Variants in PLEKHA2 observed in about 807,000 individuals in gnomAD.
PLEKHA2 encodes pleckstrin homology domain containing A2.
A neutral mutation model predicts 53.2 loss-of-function variants in PLEKHA2; 28 were observed. The ratio of observed to expected loss-of-function variants is 0.53; its 90% CI spans 0.39 to 0.72. PLEKHA2 has a LOEUF of 0.72. Among genes scored for constraint, PLEKHA2 ranks in the 30% least tolerant of loss-of-function variants. PLEKHA2 has a pLI of 0.00. For missense variants in PLEKHA2, 426 were observed against 537.9 expected (o/e 0.79, Z 2.06); for synonymous variants, 193 against 196.4 (o/e 0.98, Z 0.14).
intron 2 of PLEKHA2, among the ~76,000 whole-genome samples, chr8:38,918,933 A>G (rs981638908): frequency 6.6e-6 from 1 of 152,200 alleles, no homozygotes; most frequent in Non-Finnish European, 1.5e-5. Flanking sequence ...AGTGAGATCC[A>G]AGTCCTGGAT....
intron 2 of PLEKHA2, among the ~76,000 whole-genome samples, chr8:38,928,809 C>T (rs949702082): frequency 5.3e-5 from 8 of 152,152 alleles, no homozygotes; most frequent in African/African-American, 1.9e-4. Context: ...TAGCTATCAG[C>T]GTGTCGTGTG....
At chr8:38,917,790 C>G in intron 1 of PLEKHA2, 117 bp from the exon 2 acceptor site, 1 of 1,163,036 alleles carries the variant, frequency 8.6e-7, no homozygotes, top group Non-Finnish European at 1.2e-6. Context: ...ACATTTGGTG[C>G]CCCCACGGAA....
At chr8:38,903,684 A>G (rs996156543) in intron 1 of PLEKHA2, among the ~76,000 whole-genome samples, 4 of 152,190 alleles carry the variant, frequency 2.6e-5, no homozygotes, top group African/African-American at 9.6e-5. Flanking sequence ...TCTCCTGTCC[A>G]ATTCATGGGA....
intron 10 of PLEKHA2, among the ~76,000 whole-genome samples, chr8:38,961,855 G>A (rs901923752): frequency 6.6e-6 from 1 of 152,140 alleles, no homozygotes; most frequent in Non-Finnish European, 1.5e-5. Context: ...TCATATTTAC[G>A]TATAATTTGT....
intron 1 of PLEKHA2, 53 bp from the exon 2 acceptor site, chr8:38,917,854 G>C: frequency 6.4e-7 from 1 of 1,564,376 alleles, no homozygotes; most frequent in African/African-American, 1.4e-5. Flanking sequence ...TGCAGGTCCT[G>C]AGGCAGAGCT....
chr8:38,912,024 G>A (rs1441252225), intron 1 of PLEKHA2, among the ~76,000 whole-genome samples: 1 of 151,944 alleles, frequency 6.6e-6, no homozygotes, highest in Non-Finnish European at 1.5e-5. Flanking sequence ...ATTTTGGCTG[G>A]GCGTAGTGGC....
At chr8:38,908,396 A>G (rs1833910111) in intron 1 of PLEKHA2, among the ~76,000 whole-genome samples, 1 of 152,250 alleles carries the variant, frequency 6.6e-6, no homozygotes, top group African/African-American at 2.4e-5. Context: ...TAGGTCTTTA[A>G]AACACCAAAA....
chr8:38,963,314 T>C (rs185423158), intron 10 of PLEKHA2, among the ~76,000 whole-genome samples: 1 of 152,336 alleles, frequency 6.6e-6, no homozygotes, highest in Admixed American at 6.5e-5. Context: ...GCTATGACCT[T>C]GGCACTTCCT....
intron 2 of PLEKHA2, among the ~76,000 whole-genome samples, chr8:38,927,307 G>A (rs1834305876): frequency 6.6e-6 from 1 of 152,014 alleles, no homozygotes; most frequent in Non-Finnish European, 1.5e-5. Flanking sequence ...ACCAGCCTGG[G>A]CAACATAGGA....
chr8:38,930,161 G>C lies in PLEKHA2; in HGVS notation c.142-5833G>C, dbSNP rs188487016. 5.3e-3 allele frequency among the ~76,000 whole-genome samples: 803 copies of C among 152,058 alleles called. 11 individuals are homozygous for C. The highest frequency in any genetic ancestry group is 0.019 in the African/African-American group (774 of 41,474). On this transcript the variant is annotated intron_variant, in intron 2 of 11. Transcript: ENST00000617275. Reference sequence around the variant, plus strand: ...CTCTTGAGCAAAAAGGAAGGTACTGGCATTGTCTGCATAAAACCACCTATC... The same window carrying C: ...CTCTTGAGCAAAAAGGAAGGTACTGCCATTGTCTGCATAAAACCACCTATC...
Position 38,908,663 on chromosome 8 carries a change from A to C in PLEKHA2, c.-24+7218A>C, listed in dbSNP as rs940929769. Among the ~76,000 whole-genome samples the C allele has an allele frequency of 1.1e-4, 17 of 152,224 alleles. 1 individual carries two copies. Among genetic ancestry groups the C allele is most frequent in the African/African-American group, 4.1e-4 (17 of 41,454 alleles). ...TTTGGTGACTATATATCTGGTTTTA[A>C]AACAGACCGTATATAGGAATATAAG... On this transcript the variant is annotated intron_variant, in intron 1 of 11. Coordinates refer to ENST00000617275, the MANE Select transcript of PLEKHA2 (RefSeq NM_021623.2).
chr8:38,916,642 A>G (rs1180106041), intron 1 of PLEKHA2, among the ~76,000 whole-genome samples: 2 of 152,158 alleles, frequency 1.3e-5, no homozygotes, highest in Non-Finnish European at 2.9e-5. Context: ...TTGTGTATAT[A>G]TGCCACATTT....
rs1835298466 is a variant in PLEKHA2, at chr8:38,973,867, C to CTGTTTTGTGGCT, written c.*4093_*4104dup. 1 of 241,888 alleles carries CTGTTTTGTGGCT rather than the reference C, an allele frequency of 4.1e-6. No homozygotes were observed. The highest frequency in any genetic ancestry group is 7.9e-6 in the Non-Finnish European group (1 of 125,804). 15.0% of individuals were successfully genotyped at this position (241,888 alleles called of 1,614,324 possible). ...GGTATGTAGCAAAAATTTTCTAAAA[C>CTGTTTTGTGGCT]TGTTTTGTGGCTTGTTTTGTAATAA... is the stretch of plus-strand genomic sequence containing the variant. On this transcript the variant is annotated 3_prime_UTR_variant, in exon 12 of 12. Transcript: ENST00000617275.
intron 2 of PLEKHA2, among the ~76,000 whole-genome samples, chr8:38,934,700 A>C (rs796105290): frequency 3.9e-5 from 6 of 152,252 alleles, no homozygotes; most frequent in African/African-American, 1.4e-4. Flanking sequence ...ACAGTGCCAG[A>C]CCTGGTGCCT....
rs747108871 is a variant in PLEKHA2, at chr8:38,922,821, C to T, written c.141+4751C>T. ...TTACCCCATGGAACCTCTCCATAATCCTGGGGCCTAGGGTCTGTTGTTACT... is the reference window on the plus strand; with the variant it reads ...TTACCCCATGGAACCTCTCCATAATTCTGGGGCCTAGGGTCTGTTGTTACT... On this transcript the variant is annotated intron_variant, in intron 2 of 11. Transcript: ENST00000617275. This position sits in a 1 kb window ranked among gnomAD's most constrained non-coding sequence, Gnocchi z 4.0. Among the ~76,000 whole-genome samples, 17 of 152,178 alleles carry T rather than the reference C, an allele frequency of 1.1e-4. No individual in the cohort carries two copies. The highest frequency in any genetic ancestry group is 2.4e-4 in the Non-Finnish European group (16 of 68,028).
At chr8:38,908,296 A>G (rs999904098) in intron 1 of PLEKHA2, among the ~76,000 whole-genome samples, 1 of 152,234 alleles carries the variant, frequency 6.6e-6, no homozygotes, top group African/African-American at 2.4e-5. Flanking sequence ...TAAGAAACCC[A>G]AACAGCTTGG....
chr8:38,959,053 C>G (rs1263064957), intron 10 of PLEKHA2, among the ~76,000 whole-genome samples: 2 of 151,784 alleles, frequency 1.3e-5, no homozygotes, highest in Non-Finnish European at 2.9e-5. Context: ...TTTAGGAGGT[C>G]AAGTGATCCT....
chr8:38,952,935 TA>T (rs1198570937), intron 8 of PLEKHA2, among the ~76,000 whole-genome samples: 24 of 152,086 alleles, frequency 1.6e-4, no homozygotes, highest in African/African-American at 4.8e-4. Flanking sequence ...CTTCTTCTTA[TA>T]TTTTTTTGTC....
At chr8:38,913,856 ATCTC>A (rs1011583425) in intron 1 of PLEKHA2, among the ~76,000 whole-genome samples, 4 of 152,016 alleles carry the variant, frequency 2.6e-5, no homozygotes, top group African/African-American at 7.2e-5. Context: ...GCTTGTGCCC[ATCTC>A]TCTCCTGTTT....
Sources: allele counts gnomAD v4.1 joint callset (sites outside exome capture counted in the v4.1 genomes callset), GRCh38; gene constraint gnomAD v4.1.1; non-coding constraint Gnocchi (gnomAD v3.1); transcripts MANE v1.5; gene names NCBI Gene and HGNC (gene_info 2026-07-23, HGNC 2026-07-21).